Variants in GGA2 observed in about 807,000 individuals in gnomAD.
GGA2 encodes the protein ADP-ribosylation factor-binding protein GGA2.
In GGA2, 48 loss-of-function variants were observed where a neutral mutation model predicts 79.5. That is an observed-to-expected ratio of 0.60 (90% CI 0.48 to 0.77). The LOEUF (loss-of-function observed/expected upper bound fraction) is 0.77. Among genes scored for constraint, GGA2 ranks in the 30% least tolerant of loss-of-function variants. The probability of loss-of-function intolerance (pLI) is 0.00; values close to 1 mark genes in which losing one functional copy is unlikely to be tolerated. For missense variants in GGA2, 770 were observed against 774.0 expected, an observed-to-expected ratio of 0.99 and a Z score of 0.06; for synonymous variants, 317 against 302.0, an observed-to-expected ratio of 1.05 and a Z score of -0.51.
In GGA2 at chr16:23,464,589, TG is replaced by T. The variant is rs1288398415; in HGVS notation, c.*3000del. Reference sequence around the variant, plus strand: ...AAAGCCCAAATCAGAGCAGTGGCAATGTAAGTGCAGGGAGGACATGATGTGG... The same window carrying T: ...AAAGCCCAAATCAGAGCAGTGGCAATTAAGTGCAGGGAGGACATGATGTGG... On this transcript the variant is annotated 3_prime_UTR_variant, in exon 17 of 17. Transcript: ENST00000309859. 3 of 149,678 alleles carry T rather than the reference TG, an allele frequency of 2.0e-5. No homozygotes were observed. Among genetic ancestry groups the T allele is most frequent in the African/African-American group, 4.9e-5 (2 of 40,794 alleles). 9.3% of individuals were successfully genotyped at this position (149,678 alleles called of 1,614,324 possible).
intron 1 of GGA2, among the ~76,000 whole-genome samples, chr16:23,499,782 C>T (rs1175065966): frequency 6.6e-6 from 1 of 152,216 alleles, no homozygotes; most frequent in African/African-American, 2.4e-5. Flanking sequence ...TTACATAAGC[C>T]TCTTCATTTG....
intron 2 of GGA2, among the ~76,000 whole-genome samples, chr16:23,519,411 CA>C (rs1453577571): frequency 3.9e-5 from 6 of 152,226 alleles, no homozygotes; most frequent in Admixed American, 3.3e-4. Context: ...GTTTCCCACA[CA>C]CTAAAGTGAG....
At chr16:23,481,135 T>C (rs1439070067) in intron 9 of GGA2, among the ~76,000 whole-genome samples, 3 of 152,182 alleles carry the variant, frequency 2.0e-5, no homozygotes, top group Non-Finnish European at 4.4e-5. Context: ...TCCCAGCATT[T>C]TGGGAGGCCG....
At chr16:23,483,156 G>A in intron 8 of GGA2, 152 bp from the exon 9 acceptor site, 1 of 624,638 alleles carries the variant, frequency 1.6e-6, no homozygotes, top group East Asian at 2.8e-5. Flanking sequence ...CAGTTTTGAA[G>A]TAACATGACA....
At chr16:23,473,092 T>C (rs1476021582) in intron 14 of GGA2, among the ~76,000 whole-genome samples, 1 of 149,218 alleles carries the variant, frequency 6.7e-6, no homozygotes, top group Non-Finnish European at 1.5e-5. Context: ...ATAGTGCATA[T>C]ATATATAAGT....
At chr16:23,469,037 C>T in intron 15 of GGA2, 41 bp from the exon 16 acceptor site, 1 of 1,215,640 alleles carries the variant, frequency 8.2e-7, no homozygotes, top group Non-Finnish European at 1.2e-6. Flanking sequence ...CATTCCTAAC[C>T]ACAGCTTCTA....
At chr16:23,483,464 A>G (rs995279403) in intron 8 of GGA2, among the ~76,000 whole-genome samples, 3 of 152,178 alleles carry the variant, frequency 2.0e-5, no homozygotes, top group Non-Finnish European at 4.4e-5. Flanking sequence ...ACAGGTAAAT[A>G]AAGAAGTTAC....
At chr16:23,485,154 C>T (rs923791175) in intron 8 of GGA2, among the ~76,000 whole-genome samples, 2 of 152,128 alleles carry the variant, frequency 1.3e-5, no homozygotes, top group South Asian at 2.1e-4. Context: ...ATTGTGCAAC[C>T]GCATTTGGAC....
intron 1 of GGA2, among the ~76,000 whole-genome samples, chr16:23,520,279 G>A (rs955880184): frequency 3.5e-5 from 5 of 143,958 alleles, no homozygotes; most frequent in Non-Finnish European, 6.0e-5. Context: ...AAAGAACTTC[G>A]TATATGTTAT....
At position 23,486,779 on chromosome 16, in the gene GGA2, C is replaced by T. The variant is rs758424028; in HGVS notation, c.591G>A (p.Arg197=). The T allele has an allele frequency of 1.2e-6, 2 of 1,606,354 alleles. No individual in the cohort carries two copies. Among genetic ancestry groups the T allele is most frequent in the South Asian group, 1.1e-5 (1 of 90,928 alleles). ...CCTCGGGGTGGTTGCTCTTTAGAAG[C>T]CTTGTCAGAAGCTGCAGAGAGTGAA... ...ADEEKSKLLT[R]LLKSNHPEDL... is the part of the protein sequence containing the mutation. The change falls in exon 7 of 17, where the codon AGG becomes AGA. Residue 197 remains arginine, a synonymous_variant. Transcript: ENST00000309859.
In GGA2 at chr16:23,483,060, C is replaced by G. The variant is rs1817304736; in HGVS notation, c.799-56G>C. The G allele has an allele frequency of 9.8e-6, 11 of 1,119,068 alleles. No homozygotes were observed. The Admixed American group carries it at 1.7e-4, about 18-fold the overall frequency. 69.3% of individuals were successfully genotyped at this position (1,119,068 alleles called of 1,614,324 possible). ...CGCCCAGGCACCCCATAACGCCCCCCTCCAGGGCCCCAGGAGCCTTCGATC... is the reference window on the plus strand; with the variant it reads ...CGCCCAGGCACCCCATAACGCCCCCGTCCAGGGCCCCAGGAGCCTTCGATC... On this transcript the variant is annotated intron_variant, in intron 8 of 16. Coordinates refer to ENST00000309859, the MANE Select transcript of GGA2 (RefSeq NM_015044.4).
chr16:23,467,435 G>A lies in GGA2; in HGVS notation c.*155C>T, dbSNP rs111228093. 1.8e-5 allele frequency: 8 copies of A among 434,754 alleles called. No individual in the cohort carries two copies. In the African/African-American group the frequency reaches 2.4e-4, roughly 13 times the overall value. The allele number at this position is 434,754 out of a possible 1,614,324, so 26.9% of individuals were successfully genotyped here. A position where few individuals can be genotyped will look rare whatever the true frequency, so the allele number is the denominator to read the frequency against. On this transcript the variant is annotated 3_prime_UTR_variant, in exon 17 of 17. Transcript: ENST00000309859. ...ACACACACACACACACACACACACA[G>A]AGCATCTGCAGAATAAGTCAGAGGT...
intron 16 of GGA2, among the ~76,000 whole-genome samples, chr16:23,468,599 G>A (rs1289096351): frequency 1.3e-5 from 2 of 151,688 alleles, no homozygotes; most frequent in Admixed American, 1.3e-4. Context: ...TCAGCCTCCT[G>A]AGCAGCTAGG....
chr16:23,471,069 G>A (rs1029806467), intron 14 of GGA2, among the ~76,000 whole-genome samples: 6 of 151,776 alleles, frequency 4.0e-5, no homozygotes, highest in Admixed American at 3.3e-4. Flanking sequence ...TCAAACTCCC[G>A]ACCTCAGGTG....
intron 2 of GGA2, among the ~76,000 whole-genome samples, chr16:23,517,025 G>A (rs1965107222): frequency 2.0e-5 from 3 of 152,150 alleles, no homozygotes. Flanking sequence ...AACCAACCCT[G>A]CAGCCCACCT....
At position 23,473,031 on chromosome 16, in the gene GGA2, CA is replaced by C. The variant is rs71379682; in HGVS notation, c.1450+1872del. ...CTGGGTGACAGCGAGACTCTGTCTC[CA>C]AAAAAAAAAAAAAAAAGACTGAATA... On this transcript the variant is annotated intron_variant, in intron 14 of 16. Coordinates refer to ENST00000309859, the MANE Select transcript of GGA2 (RefSeq NM_015044.4). 3.0e-4 allele frequency among the ~76,000 whole-genome samples: 34 copies of C among 114,466 alleles called. 1 individual carries two copies. Among genetic ancestry groups the C allele is most frequent in the South Asian group, 1.4e-3 (5 of 3,466 alleles). The allele number at this position is 114,466 out of a possible 152,430, so 75.1% of individuals were successfully genotyped here.
At chr16:23,501,101 C>A (rs1201814001) in intron 1 of GGA2, 3 of 384,548 alleles carry the variant, frequency 7.8e-6, no homozygotes, top group Non-Finnish European at 1.5e-5. Flanking sequence ...AGCCAATACA[C>A]CCACTTTCAC....
At chr16:23,485,835 TG>T (rs1403062794) in intron 8 of GGA2, among the ~76,000 whole-genome samples, 179 bp downstream of exon 8, 3 of 152,036 alleles carry the variant, frequency 2.0e-5, no homozygotes, top group Non-Finnish European at 4.4e-5. Context: ...AGCAGCTGCC[TG>T]GGGACTGGGG....
At position 23,494,290 on chromosome 16, in the gene GGA2, A is replaced by C; in HGVS notation, c.252+13T>G. The C allele has an allele frequency of 6.4e-7, 1 of 1,574,216 alleles. No homozygotes were observed. The highest frequency in any genetic ancestry group is 8.7e-7 in the Non-Finnish European group (1 of 1,143,486). On this transcript the variant is annotated intron_variant, in intron 3 of 16. Coordinates refer to ENST00000309859, the MANE Select transcript of GGA2 (RefSeq NM_015044.4). ...GACAGGAAAGGTTAGGCTACAAGGC[A>C]AGCCAAACTCACCGTTAAGGCATAA...
Sources: allele counts gnomAD v4.1 joint callset (sites outside exome capture counted in the v4.1 genomes callset), GRCh38; gene constraint gnomAD v4.1.1; transcripts MANE v1.5; gene names NCBI Gene and HGNC (gene_info 2026-07-23, HGNC 2026-07-21).